The following VHL variants were observed in gnomAD, a reference collection of about 807,000 sequenced individuals.
VHL encodes the protein von Hippel-Lindau disease tumor suppressor.
A neutral mutation model predicts 19.2 loss-of-function variants in VHL; 10 were observed. The observed-to-expected ratio is 0.52, with a 90% confidence interval of 0.32 to 0.89. The LOEUF is 0.89. Among genes scored for constraint, VHL ranks in the 40% least tolerant of loss-of-function variants. The pLI is 0.03. For missense variants in VHL, 328 were observed against 292.7 expected (o/e 1.12, Z -0.88); for synonymous variants, 167 against 129.5 (o/e 1.29, Z -1.97).
chr3:10,146,487 T>C (rs2125128157), intron 1 of VHL, 27 bp from the exon 2 acceptor site: 1 of 1,612,616 alleles, frequency 6.2e-7, no homozygotes, highest in Non-Finnish European at 8.5e-7. Flanking sequence ...GGTGTGGCTC[T>C]TTAACAACCT....
intron 2 of VHL, among the ~76,000 whole-genome samples, chr3:10,148,337 C>T (rs1214576891): frequency 5.7e-5 from 7 of 122,978 alleles, no homozygotes; most frequent in Non-Finnish European, 8.1e-5. Context: ...TTTTTTGAGA[C>T]GGAGTCTCGC....
intron 1 of VHL, among the ~76,000 whole-genome samples, chr3:10,145,431 C>T (rs1270334616): frequency 1.3e-5 from 2 of 151,890 alleles, no homozygotes; most frequent in Non-Finnish European, 2.9e-5. Flanking sequence ...CTGGGCCAGG[C>T]GCAGTGGCTC....
At chr3:10,146,687 G>T (rs755014728) in intron 2 of VHL, 51 bp downstream of exon 2, 1 of 1,608,732 alleles carries the variant, frequency 6.2e-7, no homozygotes, top group Non-Finnish European at 8.5e-7. Context: ...GTAAGTACAG[G>T]ATAGACCACT....
chr3:10,146,264 C>T (rs1696252777), intron 1 of VHL, among the ~76,000 whole-genome samples: 1 of 151,328 alleles, frequency 6.6e-6, no homozygotes, highest in Non-Finnish European at 1.5e-5. Context: ...AGCTCCACCT[C>T]CTGGGTTCAC....
chr3:10,146,111 G>A (rs1480390887), intron 1 of VHL, among the ~76,000 whole-genome samples: 1 of 151,738 alleles, frequency 6.6e-6, no homozygotes, highest in African/African-American at 2.4e-5. Context: ...TGAGAGGTAA[G>A]CTTTTTGTGT....
intron 1 of VHL, among the ~76,000 whole-genome samples, chr3:10,143,253 C>G (rs745560054): frequency 1.4e-4 from 21 of 152,112 alleles, no homozygotes; most frequent in Non-Finnish European, 2.9e-4. Flanking sequence ...GCCTCAGCCT[C>G]CCGAGGAGCG....
At position 10,150,043 on chromosome 3, in the gene VHL, GTTCC is replaced by G; in HGVS notation, c.*85_*88del. ...GAGTCTTGATCTAGATACAGGACTGGTTCCTTCCTTAGTTTCAAAGTGTCTCATT... is the reference window on the plus strand; with the variant it reads ...GAGTCTTGATCTAGATACAGGACTGGTTCCTTAGTTTCAAAGTGTCTCATT... On this transcript the variant is annotated 3_prime_UTR_variant, in exon 3 of 3. Transcript: ENST00000256474. 7 of 1,560,884 alleles carry G rather than the reference GTTCC, an allele frequency of 4.5e-6. No homozygotes were observed. Among genetic ancestry groups the G allele is most frequent in the Non-Finnish European group, 5.2e-6 (6 of 1,152,550 alleles).
intron 2 of VHL, among the ~76,000 whole-genome samples, chr3:10,149,045 CGTT>C (rs1261707902): frequency 6.6e-6 from 1 of 151,426 alleles, no homozygotes; most frequent in African/African-American, 2.4e-5. Flanking sequence ...TGGTGGTAGT[CGTT>C]GGTGTGGCTG....
Position 10,150,238 on chromosome 3 carries a change from A to G in VHL, c.*273A>G, listed in dbSNP as rs1696375976. Reference sequence around the variant, plus strand: ...TTTTTGCTTCCTAGTAAGTCAGGACAGCTTGTATGTAAGGAGGTTTGTATA... The same window carrying G: ...TTTTTGCTTCCTAGTAAGTCAGGACGGCTTGTATGTAAGGAGGTTTGTATA... On this transcript the variant is annotated 3_prime_UTR_variant, in exon 3 of 3. Transcript: ENST00000256474. 7.5e-6 allele frequency: 10 copies of G among 1,333,640 alleles called. No homozygotes were observed. The highest frequency in any genetic ancestry group is 1.5e-5 in the African/African-American group (1 of 67,948). The allele number at this position is 1,333,640 out of a possible 1,614,324, so 82.6% of individuals were successfully genotyped here.
intron 2 of VHL, among the ~76,000 whole-genome samples, chr3:10,149,206 G>T (rs1696340418): frequency 1.3e-5 from 2 of 151,606 alleles, no homozygotes; most frequent in Admixed American, 6.6e-5. Flanking sequence ...TCTGCCTCCA[G>T]GGCTCAAGTG....
intron 2 of VHL, among the ~76,000 whole-genome samples, chr3:10,147,863 G>A (rs1008762189): frequency 6.6e-6 from 1 of 152,050 alleles, no homozygotes; most frequent in Admixed American, 6.6e-5. Flanking sequence ...AGGCTATGGC[G>A]GGAGGGTCGC....
chr3:10,146,582 G>A lies in VHL; in HGVS notation c.409G>A (p.Val137Met), dbSNP rs1362915830. The change falls in exon 2 of 3, where the codon GTG becomes ATG. Residue 137 changes from valine to methionine, a missense_variant. Coordinates refer to ENST00000256474, the MANE Select transcript of VHL (RefSeq NM_000551.4). ...GLLVNQTELF[V>M]PSLNVDGQPI... ...TCTGGTTAACCAAACTGAATTATTT[G>A]TGCCATCTCTCAATGTTGACGGACA... 6.2e-7 allele frequency: 1 copy of A among 1,613,994 alleles called. No homozygotes were observed. The highest frequency in any genetic ancestry group is 1.1e-5 in the South Asian group (1 of 91,080).
At chr3:10,148,682 CTTT>C (rs35862660) in intron 2 of VHL, among the ~76,000 whole-genome samples, 1 of 138,910 alleles carries the variant, frequency 7.2e-6, no homozygotes, top group Non-Finnish European at 1.5e-5. Flanking sequence ...TAATAACCAC[CTTT>C]TTTTTTTTTT....
At position 10,153,187 on chromosome 3, in the gene VHL, A is replaced by G. The variant is rs886057752; in HGVS notation, c.*3222A>G. ...CAGCTACTCGAGAGCCTGAGGCAGG[A>G]GAATGGCATGAACCTGGAAGGCGGA... is the stretch of plus-strand genomic sequence containing the variant. On this transcript the variant is annotated 3_prime_UTR_variant, in exon 3 of 3. Coordinates refer to ENST00000256474, the MANE Select transcript of VHL (RefSeq NM_000551.4). Among the ~76,000 whole-genome samples the G allele has an allele frequency of 2.0e-5, 3 of 152,080 alleles. No individual in the cohort carries two copies. Among genetic ancestry groups the G allele is most frequent in the East Asian group, 1.9e-4 (1 of 5,180 alleles).
chr3:10,150,522 T>G lies in VHL; in HGVS notation c.*557T>G. 1 of 332,366 alleles carries G rather than the reference T, an allele frequency of 3.0e-6. No homozygotes were observed. The highest frequency in any genetic ancestry group is 9.5e-5 in the South Asian group (1 of 10,484). The allele number at this position is 332,366 out of a possible 1,614,324, so 20.6% of individuals were successfully genotyped here. On this transcript the variant is annotated 3_prime_UTR_variant, in exon 3 of 3. Transcript: ENST00000256474. ...AGGGGACACTTTGTTAGAAAGTGCT[T>G]AGAGGTTCTGCCTCTATTTTTGTTG...
chr3:10,142,715 AT>A, intron 1 of VHL: 1 of 161,816 alleles, frequency 6.2e-6, no homozygotes, highest in South Asian at 1.5e-4. Flanking sequence ...CCCCACGTGT[AT>A]TTTCCCCTCA....
rs200343185 is a variant in VHL, at chr3:10,141,966, C to G, written c.119C>G (p.Pro40Arg). 1.3e-6 allele frequency: 2 copies of G among 1,554,590 alleles called. No homozygotes were observed. Among genetic ancestry groups the G allele is most frequent in the Non-Finnish European group, 1.7e-6 (2 of 1,150,242 alleles). ...GAGTCGGGCGCCGAGGAGTCCGGCC[C>G]GGAAGAGTCCGGCCCGGAGGAACTG... The part of the protein sequence containing the change: ...GEESGAEESG[P>R]EESGPEELGA... The change falls in exon 1 of 3, where the codon CCG becomes CGG. Residue 40 changes from proline (P) to arginine (R), a missense_variant. Physicochemically the swap from Pro to Arg is moderately radical, Grantham distance 103. Coordinates refer to ENST00000256474, the MANE Select transcript of VHL (RefSeq NM_000551.4).
chr3:10,146,423 C>T (rs1696257524), intron 1 of VHL, 91 bp from the exon 2 acceptor site: 3 of 1,566,928 alleles, frequency 1.9e-6, no homozygotes, highest in Non-Finnish European at 1.8e-6. Flanking sequence ...ATCCGCCTGC[C>T]TCGGCCTCCC....
At chr3:10,146,475 C>T (rs1327945956) in intron 1 of VHL, 39 bp from the exon 2 acceptor site, 2 of 1,611,020 alleles carry the variant, frequency 1.2e-6, no homozygotes, top group Non-Finnish European at 1.7e-6. Context: ...TGCCCAGCCA[C>T]CGGTGTGGCT....
Sources: allele counts gnomAD v4.1 joint callset (sites outside exome capture counted in the v4.1 genomes callset), GRCh38; gene constraint gnomAD v4.1.1; transcripts MANE v1.5; gene names NCBI Gene and HGNC (gene_info 2026-07-23, HGNC 2026-07-21).